MCTP2: variants seen among roughly 807,000 people sequenced by gnomAD.
MCTP2 encodes multiple C2 and transmembrane domain-containing protein 2.
MCTP2 carries 132 observed loss-of-function variants against 111.6 expected under a neutral mutation model. The ratio of observed to expected loss-of-function variants is 1.18; its 90% CI spans 1.03 to 1.37. MCTP2 has a LOEUF of 1.37. Ranked by LOEUF, MCTP2 falls within the 40% of genes most tolerant of loss-of-function variation. The probability of loss-of-function intolerance (pLI) is 0.00; values close to 1 mark genes in which losing one functional copy is unlikely to be tolerated. For missense variants in MCTP2, 1,183 were observed against 1,067.9 expected, an observed-to-expected ratio of 1.11 and a Z score of -1.50; for synonymous variants, 395 against 387.7, an observed-to-expected ratio of 1.02 and a Z score of -0.22.
chr15:94,349,687 G>A (rs1258386141), intron 8 of MCTP2, among the ~76,000 whole-genome samples: 1 of 152,004 alleles, frequency 6.6e-6, no homozygotes, highest in Non-Finnish European at 1.5e-5. Flanking sequence ...GGGCGTGGTG[G>A]CATGCGCCTG....
In MCTP2 at chr15:94,242,984, CACGTGTATATGTGTATCTACACAT is replaced by C. The variant is rs1596136119; in HGVS notation, c.-66+11323_-66+11346del. Among the ~76,000 whole-genome samples, 13 of 81,744 alleles carry C rather than the reference CACGTGTATATGTGTATCTACACAT, an allele frequency of 1.6e-4. 1 individual carries two copies. Among genetic ancestry groups the C allele is most frequent in the East Asian group, 1.5e-3 (5 of 3,314 alleles). The allele number at this position is 81,744 out of a possible 152,430, so 53.6% of individuals were successfully genotyped here. On this transcript the variant is annotated intron_variant, in intron 1 of 22. Transcript: ENST00000357742. ...ACGTGTATATGTGTATCTACACATA[CACGTGTATATGTGTATCTACACAT>C]ACACGTGTATATGTGTATCTACACA...
At chr15:94,326,813 G>GC (rs1358678233) in intron 4 of MCTP2, among the ~76,000 whole-genome samples, 131 of 39,056 alleles carry the variant, frequency 3.4e-3, no homozygotes, top group African/African-American at 9.5e-3. Context: ...GGTGATCCCC[G>GC]CCCCACCCCC....
At chr15:94,370,282 A>T in intron 12 of MCTP2, 102 bp downstream of exon 12, 1 of 853,112 alleles carries the variant, frequency 1.2e-6, no homozygotes, top group Non-Finnish European at 1.8e-6. Flanking sequence ...TATGACTATA[A>T]CAGTCATGCT....
intron 22 of MCTP2, among the ~76,000 whole-genome samples, chr15:94,478,264 C>T (rs1253066706): frequency 6.6e-6 from 1 of 152,200 alleles, no homozygotes; most frequent in African/African-American, 2.4e-5. Context: ...CACTAGCCCT[C>T]AAAGTGGCCA....
intron 17 of MCTP2, among the ~76,000 whole-genome samples, chr15:94,411,815 C>T (rs757718167): frequency 4.7e-4 from 71 of 152,248 alleles, no homozygotes; most frequent in Non-Finnish European, 7.2e-4. Flanking sequence ...AAGCCTTGCT[C>T]TTGCACAGTG....
At chr15:94,335,778 C>T (rs914474418) in intron 4 of MCTP2, among the ~76,000 whole-genome samples, 3 of 152,186 alleles carry the variant, frequency 2.0e-5, no homozygotes, top group Non-Finnish European at 2.9e-5. Context: ...AACAGTTGAT[C>T]TACATTGCTG....
chr15:94,242,654 T>C (rs528250046), intron 1 of MCTP2, among the ~76,000 whole-genome samples: 2 of 152,058 alleles, frequency 1.3e-5, no homozygotes, highest in East Asian at 3.9e-4. Context: ...GAGGCTGTTA[T>C]TTTTAGAGAT....
intron 1 of MCTP2, among the ~76,000 whole-genome samples, chr15:94,257,562 C>CTTTTTTTTTTTT (rs2072864108): frequency 2.4e-5 from 1 of 42,142 alleles, no homozygotes; most frequent in Non-Finnish European, 4.6e-5. Flanking sequence ...TTGTCATTTT[C>CTTTTTTTTTTTT]TTTGTTGTTT....
At chr15:94,390,043 T>A (rs1215019760) in intron 14 of MCTP2, among the ~76,000 whole-genome samples, 1 of 72,878 alleles carries the variant, frequency 1.4e-5, no homozygotes, top group African/African-American at 3.4e-5. Flanking sequence ...TGGTGAATGT[T>A]CAAGGCATAT....
intron 14 of MCTP2, among the ~76,000 whole-genome samples, chr15:94,395,510 TAATG>T (rs2081236352): frequency 6.6e-6 from 1 of 152,222 alleles, no homozygotes; most frequent in Admixed American, 6.5e-5. Context: ...GAAAGCATAA[TAATG>T]ATAATTTTTT....
intron 1 of MCTP2, among the ~76,000 whole-genome samples, chr15:94,296,450 T>C (rs2075281381): frequency 6.6e-6 from 1 of 152,232 alleles, no homozygotes; most frequent in African/African-American, 2.4e-5. Context: ...CTGTTCTAGA[T>C]ACCAAAGCAC....
Position 94,408,422 on chromosome 15 carries a change from T to A in MCTP2, c.2085+6403T>A, listed in dbSNP as rs368323273. ...GCTTAAAATATTTGGCATCTTATGG[T>A]TTTAACATATATAAGATAGTTTCCC... is the stretch of plus-strand genomic sequence containing the variant. On this transcript the variant is annotated intron_variant, in intron 17 of 22. Coordinates refer to ENST00000357742, the MANE Select transcript of MCTP2 (RefSeq NM_001385001.1). Among the ~76,000 whole-genome samples, 145 of 152,338 alleles carry A rather than the reference T, an allele frequency of 9.5e-4. 1 individual carries two copies. In the South Asian group the frequency reaches 0.03, roughly 31 times the overall value.
chr15:94,414,384 ACT>A (rs1205949446), intron 17 of MCTP2, among the ~76,000 whole-genome samples: 1 of 152,164 alleles, frequency 6.6e-6, no homozygotes, highest in East Asian at 1.9e-4. Flanking sequence ...CAAGTCAGAC[ACT>A]CTGAAAACCT....
intron 4 of MCTP2, among the ~76,000 whole-genome samples, chr15:94,316,242 T>G (rs1322940357): frequency 7.1e-6 from 1 of 140,636 alleles, no homozygotes; most frequent in Non-Finnish European, 1.6e-5. Flanking sequence ...AATGTATAAC[T>G]ATGTGCATTA....
intron 4 of MCTP2, among the ~76,000 whole-genome samples, chr15:94,328,990 A>G (rs1266442700): frequency 2.0e-5 from 3 of 152,318 alleles, no homozygotes; most frequent in East Asian, 1.9e-4. Context: ...ACATGGCAGC[A>G]TCAGAGTCAC....
chr15:94,434,117 G>T (rs897229522), intron 17 of MCTP2, among the ~76,000 whole-genome samples: 3 of 150,990 alleles, frequency 2.0e-5, no homozygotes, highest in African/African-American at 7.3e-5. Context: ...TTTTTGTGGT[G>T]GGGGGTTGCT....
At chr15:94,463,631 A>T (rs1265645407) in intron 20 of MCTP2, among the ~76,000 whole-genome samples, 2 of 152,108 alleles carry the variant, frequency 1.3e-5, no homozygotes, top group African/African-American at 4.8e-5. Context: ...TAGAATTGGT[A>T]TTTTGAGGCA....
At chr15:94,241,938 C>A (rs1031357255) in intron 1 of MCTP2, among the ~76,000 whole-genome samples, 4 of 152,098 alleles carry the variant, frequency 2.6e-5, no homozygotes, top group African/African-American at 9.7e-5. Context: ...AAAAGTCTGG[C>A]ATTTATTATT....
chr15:94,416,505 C>G (rs909326424), intron 17 of MCTP2, among the ~76,000 whole-genome samples: 2 of 152,096 alleles, frequency 1.3e-5, no homozygotes, highest in Non-Finnish European at 2.9e-5. Context: ...CTCGCACTTT[C>G]TCTGATTGCA....
Sources: allele counts gnomAD v4.1 joint callset (sites outside exome capture counted in the v4.1 genomes callset), GRCh38; gene constraint gnomAD v4.1.1; transcripts MANE v1.5; gene names NCBI Gene and HGNC (gene_info 2026-07-23, HGNC 2026-07-21).